CLIP2: variants seen among roughly 807,000 people sequenced by gnomAD.
The protein encoded by CLIP2 is CAP-Gly domain-containing linker protein 2.
Under a neutral mutation model 111.7 loss-of-function variants are expected in CLIP2, and 41 were observed. That is an observed-to-expected ratio of 0.37 (90% confidence interval 0.29 to 0.48). The LOEUF is 0.48. Ranked by LOEUF, CLIP2 falls within the 20% of genes least tolerant of loss-of-function variation. CLIP2 has a pLI of 0.99. For missense variants in CLIP2, 1,160 were observed against 1,422.1 expected (o/e 0.82, Z 2.96); for synonymous variants, 660 against 644.2 (o/e 1.02, Z -0.37).
chr7:74,400,698 GGGGGA>G (rs1235599095), intron 15 of CLIP2, 143 bp downstream of exon 15: 2 of 810,078 alleles, frequency 2.5e-6, no homozygotes, highest in African/African-American at 3.5e-5. Context: ...CTGGTCTGAA[GGGGGA>G]GGTAGCCCTG....
At chr7:74,352,016 G>A (rs1212279672) in intron 3 of CLIP2, among the ~76,000 whole-genome samples, 3 of 152,210 alleles carry the variant, frequency 2.0e-5, no homozygotes, top group Non-Finnish European at 4.4e-5. Context: ...AGCCCAGCTG[G>A]GAGTGGGTCC....
intron 13 of CLIP2, among the ~76,000 whole-genome samples, chr7:74,390,225 G>GAAA (rs1562727027): frequency 1.8e-5 from 1 of 54,410 alleles, no homozygotes; most frequent in Admixed American, 1.9e-4. Flanking sequence ...AAGAAAGAAA[G>GAAA]GATTAATGCC....
chr7:74,385,778 T>C (rs1791075798), intron 11 of CLIP2, among the ~76,000 whole-genome samples: 1 of 149,906 alleles, frequency 6.7e-6, no homozygotes, highest in Non-Finnish European at 1.5e-5. Context: ...GTTTCGCTCT[T>C]GTTGCCCAGG....
At chr7:74,344,059 C>T (rs963474608) in intron 3 of CLIP2, among the ~76,000 whole-genome samples, 4 of 152,182 alleles carry the variant, frequency 2.6e-5, no homozygotes, top group Non-Finnish European at 4.4e-5. Context: ...CTGGGGGTTA[C>T]TGACCAGCCC....
intron 1 of CLIP2, among the ~76,000 whole-genome samples, chr7:74,309,714 C>T (rs571389694): frequency 8.9e-4 from 134 of 151,220 alleles, no homozygotes; most frequent in African/African-American, 3.0e-3. Context: ...AAAAATTAGC[C>T]GGGCGTGGTG....
intron 13 of CLIP2, among the ~76,000 whole-genome samples, chr7:74,393,508 G>A (rs1791354984): frequency 6.6e-6 from 1 of 151,318 alleles, no homozygotes. Flanking sequence ...GGCTAATTTT[G>A]TATTTTTAGT....
rs1356425110 is a variant in CLIP2 at position 74,399,860 on chromosome 7, T to C, written c.2881-510T>C. Among the ~76,000 whole-genome samples the C allele has an allele frequency of 2.0e-5, 3 of 151,474 alleles. No homozygotes were observed. The East Asian group carries it at 6.0e-4, about 30-fold the overall frequency. On this transcript the variant is annotated intron_variant, in intron 14 of 16. Transcript: ENST00000223398. ...CGGTCTCTGTCTCTTTTTTTAATTA[T>C]TTTTAAAGGCAAGGCTGGGCGCAGT...
intron 1 of CLIP2, among the ~76,000 whole-genome samples, chr7:74,293,886 G>A (rs1220296432): frequency 7.2e-5 from 11 of 151,816 alleles, no homozygotes; most frequent in African/African-American, 2.7e-4. Context: ...GGAGATTTGG[G>A]TCCAACCGGC....
chr7:74,316,584 AAG>A (rs1788778718), intron 1 of CLIP2, among the ~76,000 whole-genome samples: 1 of 143,920 alleles, frequency 6.9e-6, no homozygotes, highest in Non-Finnish European at 1.5e-5. Flanking sequence ...CTTTTGAGAC[AAG>A]AGTCTCACTC....
chr7:74,308,659 C>A (rs1226083058), intron 1 of CLIP2, among the ~76,000 whole-genome samples: 1 of 152,040 alleles, frequency 6.6e-6, no homozygotes, highest in Non-Finnish European at 1.5e-5. Flanking sequence ...TGTGTGCCAC[C>A]ACGCCCAGCT....
chr7:74,301,714 G>GT (rs71094773), intron 1 of CLIP2, among the ~76,000 whole-genome samples: 88,293 of 149,358 alleles, frequency 0.59, 28,949 homozygotes, highest in Non-Finnish European at 0.75. Context: ...TGTTTGTTTT[G>GT]TTTTTTTTGT....
At chr7:74,319,829 AG>A (rs1554729768) in intron 2 of CLIP2, among the ~76,000 whole-genome samples, 2 of 149,440 alleles carry the variant, frequency 1.3e-5, no homozygotes, top group African/African-American at 5.0e-5. Flanking sequence ...AAAAAAAGAG[AG>A]AGAGAAAGAA....
chr7:74,373,502 AC>A (rs1190947630), intron 9 of CLIP2, among the ~76,000 whole-genome samples: 1 of 152,098 alleles, frequency 6.6e-6, no homozygotes, highest in African/African-American at 2.4e-5. Flanking sequence ...CGCCTCAAAA[AC>A]AAAACAAAAA....
rs927604446 is a variant in CLIP2 at position 74,372,279 on chromosome 7, C to T, written c.1381-653C>T. Among the ~76,000 whole-genome samples, 14 of 151,030 alleles carry T rather than the reference C, an allele frequency of 9.3e-5. 1 individual carries two copies. Among genetic ancestry groups the T allele is most frequent in the South Asian group, 4.2e-4 (2 of 4,766 alleles). On this transcript the variant is annotated intron_variant, in intron 8 of 16. Coordinates refer to ENST00000223398, the MANE Select transcript of CLIP2 (RefSeq NM_003388.5). ...CGGTGGGGTGGGCAGCAATGGGGCC[C>T]GGGAGTGGGAGGCACAGCCCGGCCT...
At chr7:74,304,874 G>A (rs1554727494) in intron 1 of CLIP2, among the ~76,000 whole-genome samples, 2 of 152,070 alleles carry the variant, frequency 1.3e-5, no homozygotes, top group Non-Finnish European at 2.9e-5. Context: ...GAGCCCAGGA[G>A]TTCAAGGCTA....
intron 3 of CLIP2, among the ~76,000 whole-genome samples, chr7:74,352,280 C>CA (rs1212622606): frequency 1.3e-4 from 20 of 151,586 alleles, no homozygotes; most frequent in Non-Finnish European, 1.9e-4. Context: ...ACTAAAAATA[C>CA]AAAAAAATTA....
intron 14 of CLIP2, 89 bp from the exon 15 acceptor site, chr7:74,400,281 G>A (rs1791581882): frequency 1.7e-6 from 2 of 1,184,804 alleles, no homozygotes; most frequent in African/African-American, 1.5e-5. Flanking sequence ...GACAAAGTGA[G>A]GCTGGAAGAC....
chr7:74,395,614 G>A (rs1219119997), intron 13 of CLIP2, among the ~76,000 whole-genome samples: 1 of 152,128 alleles, frequency 6.6e-6, no homozygotes, highest in African/African-American at 2.4e-5. Flanking sequence ...TTTTTGGCCA[G>A]TTTGCTAAGT....
intron 6 of CLIP2, among the ~76,000 whole-genome samples, chr7:74,359,221 G>A (rs144232692): frequency 2.8e-4 from 42 of 151,382 alleles, no homozygotes; most frequent in African/African-American, 7.3e-4. Context: ...AGCCCGCCTC[G>A]GCCTCCCAGT....
Sources: gnomAD v4.1 joint callset for allele counts (sites outside exome capture counted in the v4.1 genomes callset) on GRCh38, gnomAD v4.1.1 for gene constraint, MANE v1.5 for transcripts, NCBI Gene and HGNC (gene_info 2026-07-23, HGNC 2026-07-21) for gene names.